SGCZ: variants seen among roughly 807,000 people sequenced by gnomAD.
SGCZ encodes the protein sarcoglycan zeta.
Under a neutral mutation model 41.3 loss-of-function variants are expected in SGCZ, and 40 were observed. That is an observed-to-expected ratio of 0.97 (90% CI 0.75 to 1.26). The LOEUF (loss-of-function observed/expected upper bound fraction) is 1.26, where lower values mean the gene tolerates loss of function less well. Among genes scored for constraint, SGCZ ranks in the 50% most tolerant of loss-of-function variants. The pLI, the probability that SGCZ is intolerant of heterozygous loss-of-function variation, is 0.00. For missense variants in SGCZ, 552 were observed against 369.8 expected (o/e 1.49, Z -4.04); for synonymous variants, 206 against 137.5 (o/e 1.50, Z -3.49).
At chr8:14,241,450 C>G (rs1452680706) in intron 3 of SGCZ, among the ~76,000 whole-genome samples, 1 of 146,940 alleles carries the variant, frequency 6.8e-6, no homozygotes, top group Non-Finnish European at 1.5e-5. Flanking sequence ...AATATATAAA[C>G]AATATATAAT....
At chr8:14,395,926 G>A (rs769813961) in intron 2 of SGCZ, among the ~76,000 whole-genome samples, 2 of 152,194 alleles carry the variant, frequency 1.3e-5, no homozygotes, top group South Asian at 2.1e-4. Context: ...TTGTAGCAGA[G>A]GACAATTTCA....
At chr8:14,913,046 C>T (rs771221854) in intron 1 of SGCZ, among the ~76,000 whole-genome samples, 1 of 151,506 alleles carries the variant, frequency 6.6e-6, no homozygotes, top group African/African-American at 2.4e-5. Context: ...TGCATGCTGT[C>T]ATAAATATAT....
intron 1 of SGCZ, among the ~76,000 whole-genome samples, chr8:15,168,441 A>G (rs1389352518): frequency 1.3e-5 from 2 of 152,214 alleles, no homozygotes; most frequent in African/African-American, 2.4e-5. Flanking sequence ...ATTCGAGCAG[A>G]GAATTCCCTA....
intron 1 of SGCZ, among the ~76,000 whole-genome samples, chr8:14,650,783 C>T (rs899753472): frequency 3.3e-5 from 5 of 151,926 alleles, no homozygotes; most frequent in Admixed American, 6.6e-5. Context: ...CTACCTACTC[C>T]GGCTCGTTCA....
At chr8:14,760,406 A>G (rs898097211) in intron 1 of SGCZ, among the ~76,000 whole-genome samples, 2 of 152,228 alleles carry the variant, frequency 1.3e-5, no homozygotes, top group African/African-American at 2.4e-5. Flanking sequence ...TGAAAATCAT[A>G]AAAGTATCCA....
At chr8:14,894,248 C>T (rs902250465) in intron 1 of SGCZ, among the ~76,000 whole-genome samples, 23 of 151,628 alleles carry the variant, frequency 1.5e-4, no homozygotes, top group African/African-American at 5.3e-4. Flanking sequence ...AACTGCTTTC[C>T]GAATTAAGTT....
chr8:15,036,058 G>A (rs1803862924), intron 1 of SGCZ, among the ~76,000 whole-genome samples: 2 of 151,864 alleles, frequency 1.3e-5, no homozygotes, highest in Non-Finnish European at 2.9e-5. Context: ...GTTGCTATGT[G>A]AAACGATAAG....
In SGCZ at chr8:14,602,492, C is replaced by G. The variant is rs144678384; in HGVS notation, c.40-47566G>C. Among the ~76,000 whole-genome samples the G allele has an allele frequency of 1.6e-3, 249 of 151,938 alleles. 2 individuals are homozygous for G. The South Asian group carries it at 0.022, about 13-fold the overall frequency. On this transcript the variant is annotated intron_variant, in intron 1 of 7. Transcript: ENST00000382080. The stretch of plus-strand genomic sequence containing the variant: ...TTGAACCCAGGAGTTCAAGGCCAGC[C>G]TGGGCAACATAGTGAGATCCTCTCT...
At chr8:15,110,608 C>T (rs1807011249) in intron 1 of SGCZ, among the ~76,000 whole-genome samples, 1 of 152,218 alleles carries the variant, frequency 6.6e-6, no homozygotes, top group African/African-American at 2.4e-5. Context: ...CTCAAGTTTG[C>T]TGCCTCCTTC....
chr8:15,019,644 G>T (rs141754912), intron 1 of SGCZ, among the ~76,000 whole-genome samples: 3 of 151,544 alleles, frequency 2.0e-5, no homozygotes, highest in South Asian at 4.2e-4. Flanking sequence ...GGGAGGTGGG[G>T]GGCATTCTCA....
At chr8:14,303,723 T>C (rs1346278) in intron 3 of SGCZ, among the ~76,000 whole-genome samples, 6,504 of 151,998 alleles carry the variant, frequency 0.043, 167 homozygotes, top group Middle Eastern at 0.095. Context: ...AATCTCTCTC[T>C]ATATATATAT....
At chr8:14,151,072 A>C (rs1803693971) in intron 5 of SGCZ, among the ~76,000 whole-genome samples, 1 of 152,150 alleles carries the variant, frequency 6.6e-6, no homozygotes, top group African/African-American at 2.4e-5. Flanking sequence ...TATTGAGTAC[A>C]AAAAATAGTA....
chr8:14,540,326 G>T (rs1000373452), intron 2 of SGCZ, among the ~76,000 whole-genome samples: 1 of 141,320 alleles, frequency 7.1e-6, no homozygotes, highest in East Asian at 2.1e-4. Context: ...TTCATTAGAG[G>T]TATCATGAGT....
At chr8:14,397,737 G>T (rs182321127) in intron 2 of SGCZ, among the ~76,000 whole-genome samples, 33 of 152,176 alleles carry the variant, frequency 2.2e-4, no homozygotes, top group African/African-American at 7.7e-4. Context: ...AATCTTCCCA[G>T]TATTGCAAAA....
At chr8:14,707,280 A>G (rs1452415254) in intron 1 of SGCZ, among the ~76,000 whole-genome samples, 2 of 148,548 alleles carry the variant, frequency 1.3e-5, no homozygotes, top group Non-Finnish European at 3.0e-5. Flanking sequence ...GAGAACATAC[A>G]TAGTCAATTC....
At chr8:15,169,429 G>T (rs754609727) in intron 1 of SGCZ, among the ~76,000 whole-genome samples, 1 of 152,164 alleles carries the variant, frequency 6.6e-6, no homozygotes, top group Non-Finnish European at 1.5e-5. Flanking sequence ...AGGGACTCCA[G>T]TCAAACGAGA....
chr8:14,157,603 A>T (rs1043865776), intron 5 of SGCZ, among the ~76,000 whole-genome samples: 2 of 151,990 alleles, frequency 1.3e-5, no homozygotes, highest in Admixed American at 6.6e-5. Context: ...AATAAAAAAA[A>T]AACATGGTCA....
intron 1 of SGCZ, among the ~76,000 whole-genome samples, chr8:14,724,546 A>G (rs922700875): frequency 8.6e-5 from 13 of 151,820 alleles, no homozygotes; most frequent in African/African-American, 3.1e-4. Context: ...TTTTTCTTCT[A>G]TATCTGAGAG....
Position 15,064,534 on chromosome 8 carries a change from CAAAAAAAAAAA to C in SGCZ, c.39+173040_39+173050del, listed in dbSNP as rs199980199. On this transcript the variant is annotated intron_variant, in intron 1 of 7. Transcript: ENST00000382080. ...CTCAAGAACAAACCTCCAGGCCTCT[CAAAAAAAAAAA>C]AAAAAAAAAAAAAAAGTCTGAGTTT... Among the ~76,000 whole-genome samples, 92 of 132,094 alleles carry C rather than the reference CAAAAAAAAAAA, an allele frequency of 7.0e-4. 1 individual carries two copies. The highest frequency in any genetic ancestry group is 2.8e-3 in the African/African-American group (84 of 30,006). 86.7% of individuals were successfully genotyped at this position (132,094 alleles called of 152,430 possible). A position where few individuals can be genotyped will look rare whatever the true frequency, so the allele number is the denominator to read the frequency against.
Sources: gnomAD v4.1 joint callset for allele counts (sites outside exome capture counted in the v4.1 genomes callset) on GRCh38, gnomAD v4.1.1 for gene constraint, MANE v1.5 for transcripts, NCBI Gene and HGNC (gene_info 2026-07-23, HGNC 2026-07-21) for gene names.